The following MCHR2 variants were observed in gnomAD, a reference collection of about 807,000 sequenced individuals.
The protein encoded by MCHR2 is melanin concentrating hormone receptor 2, also known as melanin-concentrating hormone receptor 2.
In MCHR2, 15 loss-of-function variants were observed where a neutral mutation model predicts 24.8. The ratio of observed to expected loss-of-function variants is 0.60; its 90% CI spans 0.40 to 0.93. MCHR2 has a LOEUF of 0.93. Ranked by LOEUF, MCHR2 falls within the 40% of genes least tolerant of loss-of-function variation. The pLI, the probability that MCHR2 is intolerant of heterozygous loss-of-function variation, is 0.00. For synonymous variants in MCHR2, 151 were observed against 147.6 expected, an observed-to-expected ratio of 1.02 and a Z score of -0.17; for missense variants, 386 against 408.7, an observed-to-expected ratio of 0.94 and a Z score of 0.48.
Position 99,921,180 on chromosome 6 carries a change from G to A in MCHR2, c.783C>T (p.Ile261=). The change falls in exon 6 of 6, where the codon ATC becomes ATT. Residue 261 remains isoleucine (I), a synonymous_variant. Coordinates refer to ENST00000281806, the MANE Select transcript of MCHR2 (RefSeq NM_001040179.2). The part of the protein sequence containing the change: ...KMVLVLVVVF[I]LSAAPYHVIQ... The stretch of plus-strand genomic sequence containing the variant: ...TCACATGATAAGGGGCAGCACTCAG[G>A]ATAAAGACTACCACCAGCACCAGCA... The A allele has an allele frequency of 6.2e-7, 1 of 1,614,140 alleles. No individual in the cohort carries two copies. Among genetic ancestry groups the A allele is most frequent in the Non-Finnish European group, 8.5e-7 (1 of 1,180,004 alleles).
At chr6:99,970,650 G>C (rs1775391904) in intron 1 of MCHR2, among the ~76,000 whole-genome samples, 1 of 152,166 alleles carries the variant, frequency 6.6e-6, no homozygotes. Flanking sequence ...CCTATGTCCT[G>C]AATGGTATTG....
intron 5 of MCHR2, among the ~76,000 whole-genome samples, chr6:99,924,326 G>T (rs1056677447): frequency 4.6e-5 from 7 of 151,790 alleles, no homozygotes; most frequent in Admixed American, 2.0e-4. Flanking sequence ...CTAAAAGTTT[G>T]TCAATTTTGT....
chr6:99,946,560 C>T (rs1409464850), intron 3 of MCHR2, among the ~76,000 whole-genome samples: 3 of 152,056 alleles, frequency 2.0e-5, no homozygotes, highest in African/African-American at 7.2e-5. Context: ...TTCATTCATT[C>T]ATTCATCAAT....
Position 99,982,467 on chromosome 6 carries a change from GAAAAAAAAAAA to G in MCHR2, c.-28+11458_-28+11468del, listed in dbSNP as rs1196029682. ...AATATGGAGAAACCTTGTCTGTACAGAAAAAAAAAAAAAAAAAAAAAAAAAGCCAGGTGTGG... is the reference window on the plus strand; with the variant it reads ...AATATGGAGAAACCTTGTCTGTACAGAAAAAAAAAAAAAAGCCAGGTGTGG... On this transcript the variant is annotated intron_variant, in intron 1 of 5. Transcript: ENST00000281806. 8.5e-3 allele frequency among the ~76,000 whole-genome samples: 398 copies of G among 46,662 alleles called. 3 individuals carry two copies. The highest frequency in any genetic ancestry group is 0.034 in the African/African-American group (376 of 11,014). The allele number at this position is 46,662 out of a possible 152,430, so 30.6% of individuals were successfully genotyped here. A position where few individuals can be genotyped will look rare whatever the true frequency, so the allele number is the denominator to read the frequency against.
chr6:99,935,831 C>T (rs746495427), intron 4 of MCHR2, among the ~76,000 whole-genome samples: 5 of 151,822 alleles, frequency 3.3e-5, no homozygotes, highest in African/African-American at 7.3e-5. Flanking sequence ...ACAAAGGTTC[C>T]GCTTTGTTCA....
intron 1 of MCHR2, among the ~76,000 whole-genome samples, chr6:99,963,637 G>A (rs1239335880): frequency 6.6e-6 from 1 of 152,018 alleles, no homozygotes; most frequent in African/African-American, 2.4e-5. Flanking sequence ...CAATTTGTTT[G>A]GGGGTGGATA....
At position 99,934,486 on chromosome 6, in the gene MCHR2, A is replaced by G. The variant is rs1397871032; in HGVS notation, c.619T>C (p.Phe207Leu). 1.2e-6 allele frequency: 2 copies of G among 1,602,002 alleles called. No individual in the cohort carries two copies. Among genetic ancestry groups the G allele is most frequent in the Non-Finnish European group, 1.7e-6 (2 of 1,175,394 alleles). ...ACCAAAATCAAGGGTAGAGGGAAAA[A>G]AAAAGTTGTTATCGTCAAATAAAGT... ...YTLYLTITTF[F>L]FPLPLILVCY... The change falls in exon 5 of 6, where the codon TTT (phenylalanine) becomes CTT (leucine). Residue 207 changes from phenylalanine to leucine, a missense_variant. By Grantham distance (22) the Phe-to-Leu change is conservative. Coordinates refer to ENST00000281806, the MANE Select transcript of MCHR2 (RefSeq NM_001040179.2).
At chr6:99,928,055 G>T (rs1774410320) in intron 5 of MCHR2, among the ~76,000 whole-genome samples, 1 of 152,194 alleles carries the variant, frequency 6.6e-6, no homozygotes, top group Admixed American at 6.5e-5. Context: ...AAGTGTTGTT[G>T]AATTTTGTCA....
At chr6:99,973,387 T>C (rs6935112) in intron 1 of MCHR2, among the ~76,000 whole-genome samples, 5,021 of 151,976 alleles carry the variant, frequency 0.033, 183 homozygotes, top group African/African-American at 0.089. Flanking sequence ...GATTGCAACC[T>C]CTGCCTTTTT....
At chr6:99,967,374 A>C (rs1775314136) in intron 1 of MCHR2, among the ~76,000 whole-genome samples, 1 of 152,184 alleles carries the variant, frequency 6.6e-6, no homozygotes, top group African/African-American at 2.4e-5. Context: ...AAGAAGTCTG[A>C]AAAGTGATAA....
intron 1 of MCHR2, among the ~76,000 whole-genome samples, chr6:99,973,604 T>C (rs1311350228): frequency 6.6e-6 from 1 of 152,232 alleles, no homozygotes; most frequent in Admixed American, 6.5e-5. Context: ...GATCCTGTCA[T>C]TATGTTAGCT....
intron 1 of MCHR2, among the ~76,000 whole-genome samples, chr6:99,973,748 C>G (rs373553546): frequency 6.6e-6 from 1 of 152,158 alleles, no homozygotes; most frequent in East Asian, 1.9e-4. Flanking sequence ...TCTTGTAGGG[C>G]AGGCCTGGTG....
chr6:99,929,952 T>G (rs7452119), intron 5 of MCHR2, among the ~76,000 whole-genome samples: 73,667 of 146,912 alleles, frequency 0.5, 19,176 homozygotes, highest in Admixed American at 0.56. Flanking sequence ...TTTACAATTT[T>G]GCATGATTTT....
intron 1 of MCHR2, among the ~76,000 whole-genome samples, chr6:99,991,367 C>T (rs970794760): frequency 3.3e-5 from 5 of 152,170 alleles, no homozygotes; most frequent in African/African-American, 1.2e-4. Flanking sequence ...TCCTAGAAGA[C>T]TTTGATAAAT....
chr6:99,919,733 T>G lies in MCHR2; in HGVS notation c.*1207A>C, dbSNP rs1774185686. ...TTCTTGTTTTTTTTTTTGTTTGTTT[T>G]GTTTTTTTTTTTGAGATGACGTCTC... On this transcript the variant is annotated 3_prime_UTR_variant, in exon 6 of 6. Transcript: ENST00000281806. Among the ~76,000 whole-genome samples, 1 of 126,398 alleles carries G rather than the reference T, an allele frequency of 7.9e-6. No individual in the cohort carries two copies. Among genetic ancestry groups the G allele is most frequent in the South Asian group, 2.6e-4 (1 of 3,868 alleles). 82.9% of individuals were successfully genotyped at this position (126,398 alleles called of 152,430 possible). A position where few individuals can be genotyped will look rare whatever the true frequency, so the allele number is the denominator to read the frequency against.
intron 1 of MCHR2, among the ~76,000 whole-genome samples, chr6:99,987,743 A>G (rs1347740791): frequency 6.6e-6 from 1 of 152,218 alleles, no homozygotes; most frequent in Non-Finnish European, 1.5e-5. Context: ...TTAAAAAACA[A>G]TAAAAATTGA....
rs189476037 is a variant in MCHR2, at chr6:99,974,842, G to A, written c.-27-18668C>T. Reference sequence around the variant, plus strand: ...TCCACTCCAGATGCTGTTTGCCTGGGTATCAGCAGTGGTGGCTGCAGAACA... The same window carrying A: ...TCCACTCCAGATGCTGTTTGCCTGGATATCAGCAGTGGTGGCTGCAGAACA... On this transcript the variant is annotated intron_variant, in intron 1 of 5. Transcript: ENST00000281806. Among the ~76,000 whole-genome samples, 228 of 152,320 alleles carry A rather than the reference G, an allele frequency of 1.5e-3. 1 individual carries two copies. The highest frequency in any genetic ancestry group is 5.2e-3 in the African/African-American group (215 of 41,562).
rs758641546 is a variant in MCHR2, at chr6:99,947,851, A to G, written c.303T>C (p.Phe101=). The change falls in exon 3 of 6, where the codon TTT becomes TTC. Residue 101 remains phenylalanine, a synonymous_variant. Coordinates refer to ENST00000281806, the MANE Select transcript of MCHR2 (RefSeq NM_001040179.2). ...HQWARGGEWV[F]GGPLCTIITS... ...TGATGATGGTGCAGAGAGGCCCCCC[A>G]AACACCCACTCTCCCCCTCGGGCCC... 6.2e-7 allele frequency: 1 copy of G among 1,613,754 alleles called. No individual in the cohort carries two copies. Among genetic ancestry groups the G allele is most frequent in the Admixed American group, 1.7e-5 (1 of 59,938 alleles).
intron 1 of MCHR2, among the ~76,000 whole-genome samples, chr6:99,967,498 C>T (rs1352578499): frequency 2.6e-5 from 4 of 152,092 alleles, no homozygotes; most frequent in Non-Finnish European, 5.9e-5. Flanking sequence ...TATTTTTTAA[C>T]ATAAACCCTA....
Sources: allele counts gnomAD v4.1 joint callset (sites outside exome capture counted in the v4.1 genomes callset), GRCh38; gene constraint gnomAD v4.1.1; transcripts MANE v1.5; gene names NCBI Gene and HGNC (gene_info 2026-07-23, HGNC 2026-07-21).